ST8SIA6: variants seen among roughly 807,000 people sequenced by gnomAD.
The protein encoded by ST8SIA6 is alpha-2,8-sialyltransferase 8F.
Under a neutral mutation model 33.6 loss-of-function variants are expected in ST8SIA6, and 39 were observed. The observed-to-expected ratio is 1.16, with a 90% CI of 0.90 to 1.52. The LOEUF (loss-of-function observed/expected upper bound fraction) is 1.52, where lower values mean the gene tolerates loss of function less well. Ranked by LOEUF, ST8SIA6 falls within the 40% of genes most tolerant of loss-of-function variation. ST8SIA6 has a pLI of 0.00. For missense variants in ST8SIA6, 441 were observed against 443.8 expected, an observed-to-expected ratio of 0.99 and a Z score of 0.06; for synonymous variants, 172 against 167.2, an observed-to-expected ratio of 1.03 and a Z score of -0.22.
intron 3 of ST8SIA6, among the ~76,000 whole-genome samples, chr10:17,366,168 C>T (rs1444521): frequency 0.17 from 25,441 of 152,210 alleles, 2,264 homozygotes; most frequent in South Asian, 0.21. Flanking sequence ...ACATTTCATC[C>T]ACTAAAGGTA....
At chr10:17,347,014 CT>C in intron 4 of ST8SIA6, among the ~76,000 whole-genome samples, 1 of 152,316 alleles carries the variant, frequency 6.6e-6, no homozygotes, top group Non-Finnish European at 1.5e-5. Flanking sequence ...AGAAATACCT[CT>C]TCTCTGGGAC....
intron 2 of ST8SIA6, among the ~76,000 whole-genome samples, chr10:17,433,968 T>G (rs1852176508): frequency 6.6e-6 from 1 of 152,156 alleles, no homozygotes; most frequent in Non-Finnish European, 1.5e-5. Context: ...TTAGATGTGG[T>G]GCAAATGTCT....
intron 3 of ST8SIA6, among the ~76,000 whole-genome samples, chr10:17,380,996 T>G (rs1188518421): frequency 6.6e-6 from 1 of 151,820 alleles, no homozygotes; most frequent in African/African-American, 2.4e-5. Flanking sequence ...TTTTTTTGTT[T>G]TTCTCTCCTA....
At chr10:17,321,518 C>G (rs1353131849) in intron 7 of ST8SIA6, among the ~76,000 whole-genome samples, 172 bp from the exon 8 acceptor site, 1 of 152,114 alleles carries the variant, frequency 6.6e-6, no homozygotes, top group African/African-American at 2.4e-5. Context: ...AGCATAATGT[C>G]AATATCAACA....
intron 3 of ST8SIA6, among the ~76,000 whole-genome samples, chr10:17,388,262 C>T (rs1850453772): frequency 6.6e-6 from 1 of 152,158 alleles, no homozygotes; most frequent in Non-Finnish European, 1.5e-5. Context: ...TCCTGGATTC[C>T]ATTAACTTTA....
chr10:17,391,356 G>C (rs958220273), intron 2 of ST8SIA6, among the ~76,000 whole-genome samples: 1 of 151,818 alleles, frequency 6.6e-6, no homozygotes, highest in Non-Finnish European at 1.5e-5. Context: ...CCGCCTCCCG[G>C]GTTCACGCCA....
chr10:17,420,478 G>A (rs1402834518), intron 2 of ST8SIA6, among the ~76,000 whole-genome samples: 1 of 152,128 alleles, frequency 6.6e-6, no homozygotes, highest in Non-Finnish European at 1.5e-5. Flanking sequence ...TATGGTGAAA[G>A]TCATGTGAAT....
intron 2 of ST8SIA6, among the ~76,000 whole-genome samples, chr10:17,406,638 G>A (rs763397564): frequency 1.2e-4 from 19 of 152,210 alleles, no homozygotes; most frequent in Middle Eastern, 3.4e-3. Context: ...ATACAGCGGC[G>A]GTTGTTACTG....
Position 17,367,931 on chromosome 10 carries a change from C to G in ST8SIA6, c.291-8331G>C, listed in dbSNP as rs541550465. Among the ~76,000 whole-genome samples the G allele has an allele frequency of 2.1e-3, 325 of 152,278 alleles. 1 individual carries two copies. The highest frequency in any genetic ancestry group is 7.4e-3 in the African/African-American group (307 of 41,548). The stretch of plus-strand genomic sequence containing the variant: ...ATTGTCCGAACACACATAAGCAGAG[C>G]TGACCCTTCCCTCCCTCCTGACTCT... On this transcript the variant is annotated intron_variant, in intron 3 of 7. Transcript: ENST00000377602.
Position 17,411,080 on chromosome 10 carries a change from G to C in ST8SIA6, c.201-20460C>G, listed in dbSNP as rs559848761. The stretch of plus-strand genomic sequence containing the variant: ...CAAAAAAGATGGAATAAAATTACTT[G>C]AATGTGGTAGTCGGTTCTGAGAAAT... On this transcript the variant is annotated intron_variant, in intron 2 of 7. Transcript: ENST00000377602. Among the ~76,000 whole-genome samples, 4 of 152,274 alleles carry C rather than the reference G, an allele frequency of 2.6e-5. No individual in the cohort carries two copies. The South Asian group carries it at 6.2e-4, about 24-fold the overall frequency.
At chr10:17,451,429 G>C (rs1011045342) in intron 2 of ST8SIA6, among the ~76,000 whole-genome samples, 1 of 152,214 alleles carries the variant, frequency 6.6e-6, no homozygotes, top group Admixed American at 6.5e-5. Context: ...GGGAGAGTGA[G>C]AGTGAGGGGA....
intron 2 of ST8SIA6, among the ~76,000 whole-genome samples, chr10:17,444,701 A>G (rs1020823227): frequency 6.6e-6 from 1 of 152,212 alleles, no homozygotes; most frequent in African/African-American, 2.4e-5. Context: ...GAGAGGTGAC[A>G]AAGAATGAAA....
At chr10:17,390,858 G>A (rs1477543357) in intron 2 of ST8SIA6, among the ~76,000 whole-genome samples, 2 of 135,182 alleles carry the variant, frequency 1.5e-5, no homozygotes, top group Non-Finnish European at 3.1e-5. Context: ...CTATTTTGAA[G>A]ACCTTTTTTT....
At chr10:17,421,705 G>C (rs1851785090) in intron 2 of ST8SIA6, among the ~76,000 whole-genome samples, 1 of 152,018 alleles carries the variant, frequency 6.6e-6, no homozygotes, top group South Asian at 2.1e-4. Context: ...TGGGACTACA[G>C]GAGTGTGTCA....
chr10:17,417,145 TAGAGAG>T (rs147468456), intron 2 of ST8SIA6, among the ~76,000 whole-genome samples: 1 of 149,914 alleles, frequency 6.7e-6, no homozygotes, highest in Non-Finnish European at 1.5e-5. Context: ...ATCACATGGA[TAGAGAG>T]AGAGAGAGAG....
At chr10:17,338,324 TGCCCGGC>T (rs1343947565) in intron 4 of ST8SIA6, among the ~76,000 whole-genome samples, 3 of 152,198 alleles carry the variant, frequency 2.0e-5, no homozygotes, top group Non-Finnish European at 2.9e-5. Context: ...TGAGCCACCG[TGCCCGGC>T]TGTTATTCCC....
intron 2 of ST8SIA6, among the ~76,000 whole-genome samples, chr10:17,392,481 G>A (rs539770165): frequency 2.0e-5 from 3 of 152,086 alleles, no homozygotes; most frequent in South Asian, 2.1e-4. Context: ...GACCATGATC[G>A]GGCCACTGCA....
intron 3 of ST8SIA6, among the ~76,000 whole-genome samples, chr10:17,377,282 C>A (rs1053457193): frequency 6.6e-6 from 1 of 152,274 alleles, no homozygotes. Flanking sequence ...ACTGCCCCAC[C>A]CCTCTCTCCC....
At chr10:17,410,560 T>C (rs946969078) in intron 2 of ST8SIA6, 1 of 152,216 alleles carries the variant, frequency 6.6e-6, no homozygotes, top group Non-Finnish European at 1.5e-5. Context: ...TTTACCATTG[T>C]CATGTCTGTC....
Sources: gnomAD v4.1 joint callset for allele counts (sites outside exome capture counted in the v4.1 genomes callset) on GRCh38, gnomAD v4.1.1 for gene constraint, MANE v1.5 for transcripts, NCBI Gene and HGNC (gene_info 2026-07-23, HGNC 2026-07-21) for gene names.